Variants in FAP observed in about 807,000 individuals in gnomAD.
FAP encodes fibroblast activation protein alpha, also known as prolyl endopeptidase FAP.
In FAP, 110 loss-of-function variants were observed where a neutral mutation model predicts 126.5. The observed-to-expected ratio is 0.87, with a 90% confidence interval of 0.74 to 1.02. The LOEUF (loss-of-function observed/expected upper bound fraction) is 1.02. Ranked by LOEUF, FAP falls within the 50% of genes least tolerant of loss-of-function variation. The pLI is 0.00. For missense variants in FAP, 919 were observed against 909.2 expected, an observed-to-expected ratio of 1.01 and a Z score of -0.14; for synonymous variants, 334 against 297.3, an observed-to-expected ratio of 1.12 and a Z score of -1.27.
At chr2:162,240,812 T>TCCTTC (rs1372082989) in intron 2 of FAP, among the ~76,000 whole-genome samples, 1 of 152,194 alleles carries the variant, frequency 6.6e-6, no homozygotes. Flanking sequence ...TACCCCTTCC[T>TCCTTC]CCTTCCCTTT....
intron 16 of FAP, among the ~76,000 whole-genome samples, chr2:162,196,834 T>C (rs769442939): frequency 6.6e-6 from 1 of 152,200 alleles, no homozygotes; most frequent in African/African-American, 2.4e-5. Context: ...CACCAGACGA[T>C]GTGATGCTTC....
At chr2:162,229,595 TAAA>T (rs1431910645) in intron 2 of FAP, among the ~76,000 whole-genome samples, 1 of 152,126 alleles carries the variant, frequency 6.6e-6, no homozygotes, top group African/African-American at 2.4e-5. Flanking sequence ...AAATAAAACA[TAAA>T]AAACAACAGT....
rs1052632315 is a variant in FAP at position 162,223,649 on chromosome 2, G to T, written c.372C>A (p.Tyr124Ter). The change falls in exon 6 of 26, where the codon TAC (tyrosine) becomes TAA (stop). Residue 124 changes from tyrosine (Y) to a stop codon, truncating the protein, a stop_gained. Transcript: ENST00000188790. LOFTEE classifies it high-confidence loss of function. ...LESDYSKLWR[Y>*]SYTATYYIYD... ...AGATGTAATATGTTGCTGTGTAAGA[G>T]TATCTCCAAAGCTGTCAGAAAGAAG... The T allele has an allele frequency of 1.2e-6, 2 of 1,609,662 alleles. No individual in the cohort carries two copies. The highest frequency in any genetic ancestry group is 1.7e-6 in the Non-Finnish European group (2 of 1,176,278).
At chr2:162,222,703 T>A (rs923843505) in intron 6 of FAP, among the ~76,000 whole-genome samples, 45 of 152,210 alleles carry the variant, frequency 3.0e-4, no homozygotes, top group African/African-American at 1.0e-3. Flanking sequence ...CATGTCATTT[T>A]CCATTTAAAA....
At chr2:162,197,365 G>A (rs1688294798) in intron 16 of FAP, among the ~76,000 whole-genome samples, 1 of 152,198 alleles carries the variant, frequency 6.6e-6, no homozygotes, top group Non-Finnish European at 1.5e-5. Context: ...GATACTATGT[G>A]CCTGGCATGT....
At chr2:162,179,253 T>A (rs1687601366) in intron 21 of FAP, among the ~76,000 whole-genome samples, 1 of 151,752 alleles carries the variant, frequency 6.6e-6, no homozygotes, top group African/African-American at 2.4e-5. Context: ...AGGTTTTTTT[T>A]TTTTTTTTTT....
chr2:162,222,901 A>G (rs1018456533), intron 6 of FAP, among the ~76,000 whole-genome samples: 2 of 152,140 alleles, frequency 1.3e-5, no homozygotes, highest in African/African-American at 4.8e-5. Context: ...TCAAACGCAC[A>G]ATGCTCTCCC....
intron 2 of FAP, among the ~76,000 whole-genome samples, chr2:162,239,876 T>C (rs1214124301): frequency 1.3e-5 from 2 of 152,164 alleles, no homozygotes; most frequent in East Asian, 3.9e-4. Flanking sequence ...ATGAATCAAG[T>C]TTGTGTAGAA....
chr2:162,237,370 G>A (rs1690180538), intron 2 of FAP, among the ~76,000 whole-genome samples: 1 of 151,662 alleles, frequency 6.6e-6, no homozygotes, highest in Non-Finnish European at 1.5e-5. Flanking sequence ...CCCTCCCCTA[G>A]TCCCCCGACC....
At chr2:162,196,448 TC>T in intron 16 of FAP, among the ~76,000 whole-genome samples, 1 of 151,684 alleles carries the variant, frequency 6.6e-6, no homozygotes, top group Non-Finnish European at 1.5e-5. Flanking sequence ...ATTTCTAGAC[TC>T]TAATCAACCA....
At chr2:162,196,131 G>A (rs1688244559) in intron 16 of FAP, among the ~76,000 whole-genome samples, 1 of 152,116 alleles carries the variant, frequency 6.6e-6, no homozygotes, top group South Asian at 2.1e-4. Context: ...ATTTGTGTAA[G>A]TATAATTCTG....
intron 16 of FAP, 198 bp from the exon 17 acceptor site, chr2:162,194,946 A>T: frequency 1.7e-6 from 1 of 583,876 alleles, no homozygotes; most frequent in Non-Finnish European, 3.1e-6. Context: ...AAGCCCACTC[A>T]AAGAACAGCT....
intron 12 of FAP, among the ~76,000 whole-genome samples, chr2:162,203,755 A>G (rs1688589596): frequency 6.6e-6 from 1 of 152,130 alleles, no homozygotes; most frequent in Non-Finnish European, 1.5e-5. Flanking sequence ...TTGACCTCTA[A>G]CAGGTAACCC....
rs1689660848 is a variant in FAP, at chr2:162,226,590, T to G, written c.123A>C (p.Ala41=). 6.3e-7 allele frequency: 1 copy of G among 1,594,718 alleles called. No homozygotes were observed. The highest frequency in any genetic ancestry group is 8.6e-7 in the Non-Finnish European group (1 of 1,169,470). Reference sequence around the variant, plus strand: ...CATTTAAAATATCCTTCAGTGTGAGTGCTCTCATTGTATTTTCTTCAGAGT... The same window carrying G: ...CATTTAAAATATCCTTCAGTGTGAGGGCTCTCATTGTATTTTCTTCAGAGT... The part of the protein sequence containing the change: ...VHNSEENTMR[A]LTLKDILNGT... The change falls in exon 3 of 26, where the codon GCA becomes GCC. Residue 41 remains alanine, a synonymous_variant. Transcript: ENST00000188790.
chr2:162,232,988 G>A (rs1487773087), intron 2 of FAP, among the ~76,000 whole-genome samples: 1 of 152,104 alleles, frequency 6.6e-6, no homozygotes, highest in Non-Finnish European at 1.5e-5. Flanking sequence ...TGGGGCTGGA[G>A]GAAGAGCAAC....
Position 162,209,934 on chromosome 2 carries a change from A to C in FAP, c.1047+18T>G. The C allele has an allele frequency of 6.2e-7, 1 of 1,610,164 alleles. No individual in the cohort carries two copies. Among genetic ancestry groups the C allele is most frequent in the African/African-American group, 1.3e-5 (1 of 74,950 alleles). On this transcript the variant is annotated intron_variant, in intron 12 of 25. Coordinates refer to ENST00000188790, the MANE Select transcript of FAP (RefSeq NM_004460.5). ...TCAAGTTTCATTAAAACATAAGAAAAAGATAGCAAAATCATACTCCACCAG... is the reference window on the plus strand; with the variant it reads ...TCAAGTTTCATTAAAACATAAGAAACAGATAGCAAAATCATACTCCACCAG...
At chr2:162,230,765 G>A (rs913540871) in intron 2 of FAP, among the ~76,000 whole-genome samples, 12 of 152,062 alleles carry the variant, frequency 7.9e-5, no homozygotes, top group Non-Finnish European at 1.6e-4. Context: ...AAATCTCTGG[G>A]GGGTGGGGTC....
rs1687377743 is a variant in FAP, at chr2:162,173,231, A to AC, written c.2035-11_2035-10insG. 1 of 1,609,594 alleles carries AC rather than the reference A, an allele frequency of 6.2e-7. No homozygotes were observed. The highest frequency in any genetic ancestry group is 2.2e-5 in the East Asian group (1 of 44,832). ...CCATCACAGTTGAATTCTGGAAAAG[A>AC]GAAAAAAATTAACATTTTAGTTGCT... On this transcript the variant is annotated splice_polypyrimidine_tract_variant and intron_variant, in intron 23 of 25. Coordinates refer to ENST00000188790, the MANE Select transcript of FAP (RefSeq NM_004460.5).
chr2:162,235,166 C>T (rs568879616), intron 2 of FAP, among the ~76,000 whole-genome samples: 52 of 151,734 alleles, frequency 3.4e-4, no homozygotes, highest in African/African-American at 1.2e-3. Context: ...CCCTCCGCAC[C>T]GCCCGCCCCC....
Sources: allele counts gnomAD v4.1 joint callset (sites outside exome capture counted in the v4.1 genomes callset), GRCh38; gene constraint gnomAD v4.1.1; transcripts MANE v1.5; gene names NCBI Gene and HGNC (gene_info 2026-07-23, HGNC 2026-07-21).